Variants in NR1D2 observed in about 807,000 individuals in gnomAD.
NR1D2 encodes the protein nuclear receptor subfamily 1 group D member 2.
In NR1D2, 25 loss-of-function variants were observed where a neutral mutation model predicts 52.2. The observed-to-expected ratio is 0.48, with a 90% CI of 0.35 to 0.67. The LOEUF is 0.67. Among genes scored for constraint, NR1D2 ranks in the 30% least tolerant of loss-of-function variants. The pLI is 0.01. For synonymous variants in NR1D2, 259 were observed against 230.1 expected, an observed-to-expected ratio of 1.13 and a Z score of -1.14; for missense variants, 681 against 707.2, an observed-to-expected ratio of 0.96 and a Z score of 0.42.
At chr3:23,952,902 A>G (rs1200285660) in intron 1 of NR1D2, among the ~76,000 whole-genome samples, 6 of 151,394 alleles carry the variant, frequency 4.0e-5, no homozygotes, top group African/African-American at 9.7e-5. Context: ...GCTTAAAAAC[A>G]CATCTGATAT....
At chr3:23,956,251 T>C (rs1238669933) in intron 3 of NR1D2, 126 bp downstream of exon 3, 1 of 701,816 alleles carries the variant, frequency 1.4e-6, no homozygotes, top group South Asian at 1.8e-5. Flanking sequence ...TTTTAAGTTT[T>C]AAGCATTTTA....
intron 3 of NR1D2, among the ~76,000 whole-genome samples, chr3:23,956,782 T>C (rs1168579259): frequency 6.6e-6 from 1 of 152,206 alleles, no homozygotes; most frequent in Non-Finnish European, 1.5e-5. Flanking sequence ...AATCTTTCTC[T>C]CTTTTTAAAA....
intron 1 of NR1D2, chr3:23,946,041 G>A: frequency 1.1e-6 from 1 of 941,176 alleles, no homozygotes; most frequent in Non-Finnish European, 1.3e-6. Flanking sequence ...GCGCGCGCGC[G>A]CGCGCTGGCT....
chr3:23,959,263 C>CAA (rs5847262), intron 3 of NR1D2, among the ~76,000 whole-genome samples: 9 of 91,666 alleles, frequency 9.8e-5, no homozygotes, highest in East Asian at 4.0e-4. Flanking sequence ...GATCCTATCT[C>CAA]AAAAAAAAAA....
rs1373775091 is a variant in NR1D2 at position 23,959,930 on chromosome 3, G to A, written c.517+115G>A. On this transcript the variant is annotated intron_variant, in intron 4 of 7. Transcript: ENST00000312521. ...AGGACCCTCTTGTATTTAAGGTGAA[G>A]CAGAAAACATATTTTCATGCTTTAC... The A allele has an allele frequency of 8.8e-6, 8 of 912,458 alleles. No homozygotes were observed. In the South Asian group the frequency reaches 1.2e-4, roughly 13 times the overall value. The allele number at this position is 912,458 out of a possible 1,614,324, so 56.5% of individuals were successfully genotyped here.
At chr3:23,961,232 C>T (rs918318625) in intron 4 of NR1D2, among the ~76,000 whole-genome samples, 1 of 151,952 alleles carries the variant, frequency 6.6e-6, no homozygotes, top group Admixed American at 6.6e-5. Context: ...TTTCACCTAC[C>T]AGATTCCATT....
chr3:23,976,361 T>C (rs774810414), intron 7 of NR1D2, among the ~76,000 whole-genome samples: 1 of 152,254 alleles, frequency 6.6e-6, no homozygotes, highest in African/African-American at 2.4e-5. Context: ...ATATGAGAGA[T>C]AGGATATGAT....
At chr3:23,963,896 G>A (rs907499631) in intron 5 of NR1D2, among the ~76,000 whole-genome samples, 1 of 149,610 alleles carries the variant, frequency 6.7e-6, no homozygotes. Flanking sequence ...GAATATACAG[G>A]TGTGTTTCAT....
intron 7 of NR1D2, among the ~76,000 whole-genome samples, chr3:23,975,379 C>T (rs1171457273): frequency 6.6e-6 from 1 of 152,132 alleles, no homozygotes; most frequent in African/African-American, 2.4e-5. Flanking sequence ...CTGCCTCGGC[C>T]TTCCAAAGTG....
At chr3:23,949,120 A>G (rs1030167196) in intron 1 of NR1D2, among the ~76,000 whole-genome samples, 1 of 152,136 alleles carries the variant, frequency 6.6e-6, no homozygotes, top group African/African-American at 2.4e-5. Context: ...AATCCTAGCA[A>G]TCTGGGAGGC....
chr3:23,960,393 A>G (rs1706204241), intron 4 of NR1D2, among the ~76,000 whole-genome samples: 1 of 152,130 alleles, frequency 6.6e-6, no homozygotes, highest in Non-Finnish European at 1.5e-5. Flanking sequence ...TGACACGGTG[A>G]CACTCTGTCT....
chr3:23,945,944 A>G (rs1575141103), intron 1 of NR1D2, among the ~76,000 whole-genome samples: 1 of 149,720 alleles, frequency 6.7e-6, no homozygotes, highest in African/African-American at 2.5e-5. Flanking sequence ...ATGGGCGCTG[A>G]GGCGGCGGCG....
At chr3:23,968,943 G>A (rs529553534) in intron 7 of NR1D2, among the ~76,000 whole-genome samples, 4 of 152,222 alleles carry the variant, frequency 2.6e-5, no homozygotes, top group Non-Finnish European at 2.9e-5. Flanking sequence ...TATAAGTTAC[G>A]GCCTCTGATT....
intron 6 of NR1D2, 93 bp from the exon 7 acceptor site, chr3:23,967,720 G>T: frequency 1.1e-6 from 1 of 926,434 alleles, no homozygotes; most frequent in East Asian, 2.6e-5. Context: ...TTTTATATGT[G>T]GGATGATTCA....
chr3:23,945,544 A>C lies in NR1D2; in HGVS notation c.-35A>C. ...GCGGCGGCGCTGCCCCCTCTGCGGG[A>C]AGCGGGCGGCCCCGGCCGCCTCCGC... On this transcript the variant is annotated 5_prime_UTR_variant, in exon 1 of 8. Transcript: ENST00000312521. 1 of 1,138,494 alleles carries C rather than the reference A, an allele frequency of 8.8e-7. No homozygotes were observed. Among genetic ancestry groups the C allele is most frequent in the Non-Finnish European group, 1.1e-6 (1 of 921,706 alleles). The allele number at this position is 1,138,494 out of a possible 1,614,324, so 70.5% of individuals were successfully genotyped here.
intron 7 of NR1D2, among the ~76,000 whole-genome samples, chr3:23,971,825 A>G (rs1706597878): frequency 6.6e-6 from 1 of 152,156 alleles, no homozygotes; most frequent in African/African-American, 2.4e-5. Flanking sequence ...TAAAACATTT[A>G]TATCTTGTTC....
intron 4 of NR1D2, 53 bp downstream of exon 4, chr3:23,959,868 T>C (rs902646909): frequency 2.9e-5 from 45 of 1,530,586 alleles, no homozygotes; most frequent in African/African-American, 5.5e-5. Flanking sequence ...TTGGCTTTTA[T>C]TCCTCATCAT....
chr3:23,961,967 TC>T lies in NR1D2; in HGVS notation c.518-9del, dbSNP rs1559334168. 1 of 1,569,302 alleles carries T rather than the reference TC, an allele frequency of 6.4e-7. No individual in the cohort carries two copies. Among genetic ancestry groups the T allele is most frequent in the Admixed American group, 2.0e-5 (1 of 50,806 alleles). ...AGAATATAGACGTTAAATATCTTTT[TC>T]TTCAATAGCTGTTCGGTTTGGTCGT... On this transcript the variant is annotated splice_polypyrimidine_tract_variant and intron_variant, in intron 4 of 7. Coordinates refer to ENST00000312521, the MANE Select transcript of NR1D2 (RefSeq NM_005126.5).
intron 7 of NR1D2, among the ~76,000 whole-genome samples, chr3:23,970,334 T>A (rs1706553940): frequency 6.6e-6 from 1 of 152,214 alleles, no homozygotes; most frequent in South Asian, 2.1e-4. Context: ...AGGGAAACTC[T>A]GTATGCCAGG....
Sources: gnomAD v4.1 joint callset for allele counts (sites outside exome capture counted in the v4.1 genomes callset) on GRCh38, gnomAD v4.1.1 for gene constraint, MANE v1.5 for transcripts, NCBI Gene and HGNC (gene_info 2026-07-23, HGNC 2026-07-21) for gene names.